Variants in PDE1A observed in about 807,000 individuals in gnomAD.
PDE1A encodes the protein dual specificity calcium/calmodulin-dependent 3',5'-cyclic nucleotide phosphodiesterase 1A.
A neutral mutation model predicts 61.7 loss-of-function variants in PDE1A; 35 were observed. That is an observed-to-expected ratio of 0.57 (90% CI 0.43 to 0.75). The LOEUF is 0.75. PDE1A is among the 30% of genes least tolerant of loss of function. The probability of loss-of-function intolerance (pLI) is 0.00; values close to 1 mark genes in which losing one functional copy is unlikely to be tolerated. For synonymous variants in PDE1A, 232 were observed against 213.2 expected (o/e 1.09, Z -0.77); for missense variants, 597 against 630.6 (o/e 0.95, Z 0.57).
intron 13 of PDE1A, among the ~76,000 whole-genome samples, chr2:182,183,307 C>T (rs1684922450): frequency 6.6e-6 from 1 of 152,122 alleles, no homozygotes; most frequent in African/African-American, 2.4e-5. Flanking sequence ...ACCAAAGGGA[C>T]ATAATAATTT....
chr2:182,200,991 G>A (rs1686578752), intron 10 of PDE1A, among the ~76,000 whole-genome samples: 1 of 152,108 alleles, frequency 6.6e-6, no homozygotes, highest in African/African-American at 2.4e-5. Flanking sequence ...GATTTTTGTT[G>A]TTGTTGTTGT....
At chr2:182,212,377 T>G (rs1687694933) in intron 7 of PDE1A, among the ~76,000 whole-genome samples, 1 of 152,162 alleles carries the variant, frequency 6.6e-6, no homozygotes, top group Non-Finnish European at 1.5e-5. Context: ...AAATCTACTC[T>G]TGGCAATCTT....
chr2:182,613,971 C>T, the PDE1A span, among the ~76,000 whole-genome samples: 1 of 152,170 alleles, frequency 6.6e-6, no homozygotes, highest in Non-Finnish European at 1.5e-5. Context: ...GCAAGTACCA[C>T]CTCAAATTCA....
chr2:182,392,597 CTCA>C (rs139380170), intron 1 of PDE1A, among the ~76,000 whole-genome samples: 29,811 of 152,106 alleles, frequency 0.2, 3,729 homozygotes, highest in East Asian at 0.45. Flanking sequence ...AGTCCAAAGT[CTCA>C]TCTGTAACAA....
At chr2:182,527,922 G>A (rs1559543606), upstream of PDE1A, among the ~76,000 whole-genome samples, 1 of 152,038 alleles carries the variant, frequency 6.6e-6, no homozygotes. Context: ...CTTCCACCAC[G>A]ATTGTAAGGC....
chr2:182,689,030 A>T, the PDE1A span, among the ~76,000 whole-genome samples: 28 of 152,362 alleles, frequency 1.8e-4, no homozygotes, highest in South Asian at 4.6e-3. Flanking sequence ...TCATAAAGCA[A>T]GTCCTTAGAG....
chr2:182,713,153 T>C, the PDE1A span, among the ~76,000 whole-genome samples: 1 of 151,918 alleles, frequency 6.6e-6, no homozygotes, highest in South Asian at 2.1e-4. Context: ...AATTTCTTCC[T>C]TTTTATTTTT....
At position 182,506,213 on chromosome 2, in the gene PDE1A, C is replaced by T. The variant is rs77488456; in HGVS notation, c.101+16063G>A. On this transcript the variant is annotated intron_variant, in intron 2 of 14. Coordinates refer to the PDE1A transcript ENST00000410103. ...TCATCTTTTCTTTCCATGTAGAGTT[C>T]GTAAGAAAGCAATCTGATCGAATTC... Among the ~76,000 whole-genome samples the T allele has an allele frequency of 1.6e-4, 25 of 152,188 alleles. No individual in the cohort carries two copies. In the East Asian group the frequency reaches 1.7e-3, roughly 11 times the overall value.
chr2:182,679,207 G>A, the PDE1A span, among the ~76,000 whole-genome samples: 28 of 145,604 alleles, frequency 1.9e-4, no homozygotes, highest in African/African-American at 6.3e-4. Flanking sequence ...TTTTTGACAC[G>A]GAGTCTTACT....
intron 1 of PDE1A, among the ~76,000 whole-genome samples, chr2:182,383,585 G>GGA (rs1183034581): frequency 6.6e-6 from 1 of 152,150 alleles, no homozygotes; most frequent in Non-Finnish European, 1.5e-5. Flanking sequence ...TATGCCGACT[G>GGA]GAGAGAGGTA....
At chr2:182,566,939 T>C in the PDE1A span, among the ~76,000 whole-genome samples, 1 of 152,230 alleles carries the variant, frequency 6.6e-6, no homozygotes, top group Non-Finnish European at 1.5e-5. Flanking sequence ...CTTTGCAACA[T>C]AGAGATAATT....
At chr2:182,591,675 C>T in the PDE1A span, among the ~76,000 whole-genome samples, 2 of 152,144 alleles carry the variant, frequency 1.3e-5, no homozygotes, top group East Asian at 1.9e-4. Flanking sequence ...AGCCTCTCCC[C>T]CAAGCTGTGA....
chr2:182,474,029 G>A (rs573571107), intron 2 of PDE1A, among the ~76,000 whole-genome samples: 2 of 151,924 alleles, frequency 1.3e-5, no homozygotes, highest in Non-Finnish European at 2.9e-5. Flanking sequence ...GTGTCAAATC[G>A]TATTTCTGCC....
chr2:182,397,345 T>C (rs897142865), intron 1 of PDE1A, among the ~76,000 whole-genome samples: 2 of 152,168 alleles, frequency 1.3e-5, no homozygotes, highest in African/African-American at 4.8e-5. Context: ...TTTCATATTG[T>C]TTAATCCTGT....
the PDE1A span, among the ~76,000 whole-genome samples, chr2:182,716,771 C>T: frequency 6.6e-6 from 1 of 152,134 alleles, no homozygotes; most frequent in Non-Finnish European, 1.5e-5. Context: ...TCATCTTTAC[C>T]CCTCTCCCCT....
chr2:182,569,450 T>C, the PDE1A span, among the ~76,000 whole-genome samples: 7 of 152,118 alleles, frequency 4.6e-5, no homozygotes, highest in Non-Finnish European at 8.8e-5. Flanking sequence ...TCCATCATTC[T>C]GAGTGTCCTC....
chr2:182,291,189 T>G (rs1017534787), intron 1 of PDE1A, among the ~76,000 whole-genome samples: 1 of 152,080 alleles, frequency 6.6e-6, no homozygotes, highest in Non-Finnish European at 1.5e-5. Flanking sequence ...TCGTCCTGCC[T>G]AGGCAATCCT....
intron 10 of PDE1A, among the ~76,000 whole-genome samples, chr2:182,190,260 T>C (rs1204577257): frequency 1.3e-5 from 2 of 152,212 alleles, no homozygotes; most frequent in Non-Finnish European, 2.9e-5. Context: ...CACTATGTCA[T>C]AACTCAGAGA....
intron 13 of PDE1A, among the ~76,000 whole-genome samples, chr2:182,181,896 C>T (rs1270600702): frequency 6.6e-6 from 1 of 152,138 alleles, no homozygotes; most frequent in Non-Finnish European, 1.5e-5. Flanking sequence ...TACTAAAGCC[C>T]AGCAGTTTGC....
Sources: allele counts gnomAD v4.1 joint callset (sites outside exome capture counted in the v4.1 genomes callset), GRCh38; gene constraint gnomAD v4.1.1; transcripts MANE v1.5; gene names NCBI Gene and HGNC (gene_info 2026-07-23, HGNC 2026-07-21).